ABI2: variants seen among roughly 807,000 people sequenced by gnomAD.
ABI2 encodes abelson interactor 2.
In ABI2, 25 loss-of-function variants were observed where a neutral mutation model predicts 59.2. That is an observed-to-expected ratio of 0.42 (90% CI 0.31 to 0.59). The LOEUF (loss-of-function observed/expected upper bound fraction) is 0.59, where lower values mean the gene tolerates loss of function less well. Among genes scored for constraint, ABI2 ranks in the 20% least tolerant of loss-of-function variants. ABI2 has a pLI of 0.14. For missense variants in ABI2, 545 were observed against 681.8 expected (o/e 0.80, Z 2.23); for synonymous variants, 213 against 235.5 (o/e 0.90, Z 0.87).
intron 1 of ABI2, chr2:203,355,302 G>A: frequency 7.9e-6 from 2 of 252,158 alleles, no homozygotes; most frequent in Non-Finnish European, 1.7e-5. Flanking sequence ...AGCTCAGGTG[G>A]GAAGACTAGC....
At chr2:203,329,237 C>CT in intron 1 of ABI2, 1 of 152,566 alleles carries the variant, frequency 6.6e-6, no homozygotes, top group South Asian at 2.1e-4. Context: ...TGATTCCCCC[C>CT]TCCCTCCTAG....
chr2:203,379,519 C>T (rs558041264), intron 2 of ABI2, among the ~76,000 whole-genome samples: 280 of 152,244 alleles, frequency 1.8e-3, no homozygotes, highest in African/African-American at 6.5e-3. Flanking sequence ...GATTACGGGC[C>T]TGAGCCACTG....
intron 2 of ABI2, chr2:203,375,782 A>G (rs1031786082): frequency 3.9e-6 from 1 of 253,644 alleles, no homozygotes. Flanking sequence ...AAATTGAAGC[A>G]GATGATTGCT....
intron 2 of ABI2, among the ~76,000 whole-genome samples, chr2:203,374,101 G>A (rs556881696): frequency 4.6e-5 from 7 of 152,214 alleles, no homozygotes; most frequent in Non-Finnish European, 7.3e-5. Flanking sequence ...CGAGGCTGCA[G>A]TGAGCCATGT....
intron 1 of ABI2, among the ~76,000 whole-genome samples, chr2:203,334,578 GA>G (rs575905626): frequency 5.3e-5 from 8 of 151,478 alleles, no homozygotes; most frequent in East Asian, 1.9e-4. Context: ...GAGATTCTGG[GA>G]AAAAAACAAT....
At chr2:203,334,223 G>A (rs144129848) in intron 1 of ABI2, among the ~76,000 whole-genome samples, 123 of 152,192 alleles carry the variant, frequency 8.1e-4, no homozygotes, top group African/African-American at 2.4e-3. Flanking sequence ...TTACAGGTGT[G>A]AGCCATCGTG....
rs1171392139 is a variant in ABI2 at position 203,391,078 on chromosome 2, G to A, written c.513G>A (p.Leu171=). The A allele has an allele frequency of 9.3e-6, 15 of 1,613,828 alleles. No individual in the cohort carries two copies. In the South Asian group the frequency reaches 9.9e-5, roughly 11 times the overall value. ...VSTQNMKMGG[L]PRTTPPTQKP... The stretch of plus-strand genomic sequence containing the variant: ...CCCAGAACATGAAGATGGGTGGGCT[G>A]CCGCGTACAACACCTCCAACTCAGA... Residue 171 remains leucine, a synonymous_variant, in exon 5 of 12, where the codon CTG becomes CTA. Transcript: ENST00000261018.
In ABI2 at chr2:203,431,466, T is replaced by C. The variant is rs1187382666; in HGVS notation, c.*4114T>C. The C allele has an allele frequency of 1.3e-5, 2 of 152,648 alleles. No homozygotes were observed. The highest frequency in any genetic ancestry group is 2.9e-5 in the Non-Finnish European group (2 of 68,036). The allele number at this position is 152,648 out of a possible 1,614,324, so 9.5% of individuals were successfully genotyped here. A position where few individuals can be genotyped will look rare whatever the true frequency, so the allele number is the denominator to read the frequency against. ...GTGTACTAAGTGCAATCTTAATTTGTGGAAATAATCTTCATTTACCCCTCC... is the reference window on the plus strand; with the variant it reads ...GTGTACTAAGTGCAATCTTAATTTGCGGAAATAATCTTCATTTACCCCTCC... On this transcript the variant is annotated 3_prime_UTR_variant, in exon 12 of 12. Transcript: ENST00000261018.
intron 1 of ABI2, among the ~76,000 whole-genome samples, chr2:203,343,180 A>G (rs964722298): frequency 1.3e-5 from 2 of 152,296 alleles, no homozygotes; most frequent in Admixed American, 1.3e-4. Flanking sequence ...CCTGGCCAAC[A>G]TGGTGAAACC....
chr2:203,374,656 T>A (rs1419448862), intron 2 of ABI2, among the ~76,000 whole-genome samples: 1 of 152,196 alleles, frequency 6.6e-6, no homozygotes, highest in Admixed American at 6.5e-5. Flanking sequence ...AACTGAAAAT[T>A]ACTCTGTTAG....
At chr2:203,346,082 G>A (rs1036783171) in intron 1 of ABI2, among the ~76,000 whole-genome samples, 4 of 151,512 alleles carry the variant, frequency 2.6e-5, no homozygotes, top group African/African-American at 9.7e-5. Context: ...CTGGGGAGGT[G>A]GTGGTTGCAG....
intron 1 of ABI2, among the ~76,000 whole-genome samples, chr2:203,345,054 G>A (rs564971146): frequency 2.0e-5 from 3 of 152,246 alleles, no homozygotes; most frequent in Non-Finnish European, 2.9e-5. Flanking sequence ...GTGGCAACCC[G>A]CCGGGGTCCT....
chr2:203,377,058 C>CTA (rs991408775), intron 2 of ABI2, among the ~76,000 whole-genome samples: 3 of 152,156 alleles, frequency 2.0e-5, no homozygotes, highest in Non-Finnish European at 2.9e-5. Flanking sequence ...TGGCTCATGC[C>CTA]TATAATCCCA....
chr2:203,356,866 A>G (rs1379290092), intron 1 of ABI2, among the ~76,000 whole-genome samples: 1 of 151,768 alleles, frequency 6.6e-6, no homozygotes, highest in South Asian at 2.1e-4. Flanking sequence ...TTTTTTAGGT[A>G]ATAAGATGTA....
chr2:203,360,100 G>T (rs922184940), intron 1 of ABI2, among the ~76,000 whole-genome samples: 2 of 148,606 alleles, frequency 1.3e-5, no homozygotes, highest in African/African-American at 5.0e-5. Context: ...CAGGAGAATC[G>T]CCTGAACCTG....
chr2:203,394,629 C>T, intron 5 of ABI2, 71 bp from the exon 6 acceptor site: 1 of 1,457,136 alleles, frequency 6.9e-7, no homozygotes. Context: ...ATCTCAACTG[C>T]TGGCAACTCT....
chr2:203,402,500 G>A, intron 8 of ABI2, 76 bp from the exon 9 acceptor site: 3 of 1,089,498 alleles, frequency 2.8e-6, no homozygotes, highest in Non-Finnish European at 2.4e-6. Context: ...TAAGATTTAG[G>A]CATTGTACAT....
At chr2:203,399,962 G>A (rs1259294623) in intron 8 of ABI2, among the ~76,000 whole-genome samples, 8 of 151,308 alleles carry the variant, frequency 5.3e-5, no homozygotes, top group Admixed American at 4.6e-4. Flanking sequence ...ATTTTGTTCT[G>A]TGTTTTCTTC....
intron 10 of ABI2, among the ~76,000 whole-genome samples, chr2:203,414,389 T>C (rs1477787381): frequency 2.0e-5 from 3 of 152,012 alleles, no homozygotes; most frequent in Non-Finnish European, 4.4e-5. Flanking sequence ...GGCGTGAGCC[T>C]CCCCGCCTGG....
Sources: gnomAD v4.1 joint callset for allele counts (sites outside exome capture counted in the v4.1 genomes callset) on GRCh38, gnomAD v4.1.1 for gene constraint, MANE v1.5 for transcripts, NCBI Gene and HGNC (gene_info 2026-07-23, HGNC 2026-07-21) for gene names.